PYGM: variants seen among roughly 807,000 people sequenced by gnomAD.
PYGM encodes glycogen phosphorylase, muscle associated.
Under a neutral mutation model 99.3 loss-of-function variants are expected in PYGM, and 81 were observed. The observed-to-expected ratio is 0.82, with a 90% CI of 0.68 to 0.98. The LOEUF is 0.98. Among genes scored for constraint, PYGM ranks in the 50% least tolerant of loss-of-function variants. PYGM has a pLI of 0.00. For missense variants in PYGM, 1,030 were observed against 1,158.1 expected (o/e 0.89, Z 1.61); for synonymous variants, 436 against 451.5 (o/e 0.97, Z 0.44).
Position 64,759,757 on chromosome 11 carries a change from T to C in PYGM, c.142A>G (p.Thr48Ala), listed in dbSNP as rs1565538897. The change falls in exon 1 of 20, where the codon ACC becomes GCC. Residue 48 changes from threonine to alanine, a missense_variant. Thr to Ala is a moderately conservative substitution (Grantham distance 58, BLOSUM62 0). Transcript: ENST00000164139. ...AGAGCAAAGTAGTAGTCTCGTGGGG[T>C]GGCCACATTGCGGTCCTTTACGAGT... ...FTLVKDRNVATPRDYYFALAH... is the reference protein window; with the variant it reads ...FTLVKDRNVAAPRDYYFALAH... 6.2e-7 allele frequency: 1 copy of C among 1,614,164 alleles called. No individual in the cohort carries two copies. Among genetic ancestry groups the C allele is most frequent in the East Asian group, 2.2e-5 (1 of 44,866 alleles).
intron 17 of PYGM, among the ~76,000 whole-genome samples, chr11:64,749,651 A>T (rs909128375): frequency 1.3e-5 from 2 of 151,862 alleles, no homozygotes; most frequent in Non-Finnish European, 2.9e-5. Context: ...CAAAAAAAAA[A>T]ATACATTAAA....
Position 64,757,802 on chromosome 11 carries a change from C to G in PYGM, c.637G>C (p.Gly213Arg). ...FYGHVEHTSQ[G>R]AKWVDTQVVL... ...ACCTGTGTGTCCACCCACTTGGCACCCTGGCTGGTGTGCTCCACATGGCCG... is the reference window on the plus strand; with the variant it reads ...ACCTGTGTGTCCACCCACTTGGCACGCTGGCTGGTGTGCTCCACATGGCCG... Residue 213 changes from glycine to arginine, a missense_variant, in exon 5 of 20, where the codon GGT becomes CGT. Transcript: ENST00000164139. 1.9e-6 allele frequency: 3 copies of G among 1,614,158 alleles called. No individual in the cohort carries two copies. The highest frequency in any genetic ancestry group is 2.5e-6 in the Non-Finnish European group (3 of 1,180,038).
chr11:64,757,836 C>A lies in PYGM; in HGVS notation c.603G>T (p.Val201=). The change falls in exon 5 of 20, where the codon GTG becomes GTT. Residue 201 remains valine, a synonymous_variant. Coordinates refer to ENST00000164139, the MANE Select transcript of PYGM (RefSeq NM_005609.4). Reference sequence around the variant, plus strand: ...TGTGCTCCACATGGCCGTAGAAGTGCACAGGTAGCGTGAACTCGGGCCGGG... The same window carrying A: ...TGTGCTCCACATGGCCGTAGAAGTGAACAGGTAGCGTGAACTCGGGCCGGG... The part of the protein sequence containing the change: ...EKARPEFTLP[V]HFYGHVEHTS... 2 of 1,614,168 alleles carry A rather than the reference C, an allele frequency of 1.2e-6. No homozygotes were observed. Among genetic ancestry groups the A allele is most frequent in the South Asian group, 2.2e-5 (2 of 91,088 alleles).
intron 17 of PYGM, chr11:64,747,768 G>A (rs2058325220): frequency 3.2e-6 from 1 of 314,134 alleles, no homozygotes; most frequent in East Asian, 8.2e-5. Context: ...GCCAGGCATG[G>A]TGGCTCACGC....
intron 5 of PYGM, among the ~76,000 whole-genome samples, chr11:64,756,718 G>T (rs1168925337): frequency 6.6e-6 from 1 of 152,206 alleles, no homozygotes; most frequent in African/African-American, 2.4e-5. Context: ...CTCCCAAAGT[G>T]CTGAGATTAC....
rs2058384738 is a variant in PYGM, at chr11:64,754,950, G to A, written c.856-114C>T. On this transcript the variant is annotated intron_variant, in intron 7 of 19. Coordinates refer to ENST00000164139, the MANE Select transcript of PYGM (RefSeq NM_005609.4). The surrounding 1 kb of genome is among the most constrained non-coding windows in gnomAD (Gnocchi z 5.5). ...TACCGGGACCCCTGAGCCCTGAGCC[G>A]GCCCCCTCTCTGGGACCCAGGGGCC... is the stretch of plus-strand genomic sequence containing the variant. 19 of 1,444,646 alleles carry A rather than the reference G, an allele frequency of 1.3e-5. 1 individual carries two copies. Among genetic ancestry groups the A allele is most frequent in the Middle Eastern group, 4.8e-4 (2 of 4,208 alleles). The allele number at this position is 1,444,646 out of a possible 1,614,324, so 89.5% of individuals were successfully genotyped here.
chr11:64,758,497 C>A lies in PYGM; in HGVS notation c.364G>T (p.Glu122Ter), dbSNP rs1319212857. 1 of 1,614,104 alleles carries A rather than the reference C, an allele frequency of 6.2e-7. No homozygotes were observed. Among genetic ancestry groups the A allele is most frequent in the Non-Finnish European group, 8.5e-7 (1 of 1,180,032 alleles). Residue 122 changes from glutamate (E) to a stop codon, truncating the protein, a stop_gained, in exon 3 of 20, where the codon GAG becomes TAG. Transcript: ENST00000164139. LOFTEE classifies it high-confidence loss of function. ...GCATCCTCCTCAATTTCCTCCAGCT[C>A]CTCCATGTCCAGGCCCAGCTGGAGG... is the stretch of plus-strand genomic sequence containing the variant. ...ATYQLGLDMEELEEIEEDAGL... is the reference protein window; with the variant it reads ...ATYQLGLDME
In PYGM at chr11:64,750,386, C is replaced by T; in HGVS notation, c.2167G>A (p.Asp723Asn). The T allele has an allele frequency of 1.9e-6, 3 of 1,614,048 alleles. No individual in the cohort carries two copies. Among genetic ancestry groups the T allele is most frequent in the Non-Finnish European group, 2.5e-6 (3 of 1,179,996 alleles). Residue 723 changes from aspartate to asparagine, a missense_variant, in exon 17 of 20, where the codon GAC (aspartate) becomes AAC (asparagine). By Grantham distance (23) the Asp-to-Asn change is conservative. Transcript: ENST00000164139. ...CCCTGACCCCCATACCCTCTTTGGT[C>T]AAGCTTATCCACATCCTCCACCCGC... ...GMRVEDVDKL[D>N]QRGYNAQEYY...
intron 5 of PYGM, 48 bp downstream of exon 5, chr11:64,757,731 C>T: frequency 6.2e-7 from 1 of 1,613,032 alleles, no homozygotes; most frequent in Non-Finnish European, 8.5e-7. Context: ...GCTTCCTTCT[C>T]TTCCCTCCCC....
Position 64,755,306 on chromosome 11 carries a change from C to G in PYGM, c.822G>C (p.Glu274Asp), listed in dbSNP as rs1436900766. Reference protein sequence around the residue: ...IQAVLDRNLAENISRVLYPND... With the variant: ...IQAVLDRNLADNISRVLYPND... ...TGGGGTACAGGACACGAGAGATGTT[C>G]TCCGCCAGGTTTCGGTCCAACACAG... The change falls in exon 7 of 20, where the codon GAG becomes GAC. Residue 274 changes from glutamate (E) to aspartate (D), a missense_variant. Transcript: ENST00000164139. The surrounding 1 kb of genome is among the most constrained non-coding windows in gnomAD (Gnocchi z 4.1). The G allele has an allele frequency of 6.2e-7, 1 of 1,614,028 alleles. No individual in the cohort carries two copies. Among genetic ancestry groups the G allele is most frequent in the East Asian group, 2.2e-5 (1 of 44,888 alleles).
At chr11:64,757,936 A>G in intron 4 of PYGM, 26 bp from the exon 5 acceptor site, 1 of 1,613,422 alleles carries the variant, frequency 6.2e-7, no homozygotes, top group Non-Finnish European at 8.5e-7. Flanking sequence ...GTCAGGGAGA[A>G]AGGCCAGCAG....
chr11:64,754,842 G>T lies in PYGM; in HGVS notation c.856-6C>A, dbSNP rs2058383849. On this transcript the variant is annotated splice_polypyrimidine_tract_variant and splice_region_variant and intron_variant, in intron 7 of 19. Coordinates refer to ENST00000164139, the MANE Select transcript of PYGM (RefSeq NM_005609.4). This position sits in a 1 kb window ranked among gnomAD's most constrained non-coding sequence, Gnocchi z 5.5. ...AGCTCCTTCCCTTCGAAGAACTGGG[G>T]ACAGCATGAGGCAGCGTGAGTCAGG... 5.6e-6 allele frequency: 9 copies of T among 1,613,484 alleles called. No individual in the cohort carries two copies. The highest frequency in any genetic ancestry group is 5.1e-6 in the Non-Finnish European group (6 of 1,179,978).
chr11:64,753,656 G>A lies in PYGM; in HGVS notation c.1266C>T (p.Asp422=), dbSNP rs769602726. 37 of 1,608,548 alleles carry A rather than the reference G, an allele frequency of 2.3e-5. No homozygotes were observed. Among genetic ancestry groups the A allele is most frequent in the South Asian group, 2.2e-5 (2 of 90,664 alleles). The part of the protein sequence containing the change: ...LNRVAAAFPG[D]VDRLRRMSLV... ...GCGACATGCGCCGCAGCCGGTCTAC[G>A]TCCCCTGGGAATGCGGCCGCCACCC... The change falls in exon 11 of 20, where the codon GAC becomes GAT. Residue 422 remains aspartate, a synonymous_variant. Transcript: ENST00000164139.
Position 64,755,433 on chromosome 11 carries a change from G to A in PYGM, c.772+14C>T. 1 of 1,613,448 alleles carries A rather than the reference G, an allele frequency of 6.2e-7. No individual in the cohort carries two copies. Among genetic ancestry groups the A allele is most frequent in the Non-Finnish European group, 8.5e-7 (1 of 1,179,362 alleles). ...GGCAAGCTGGGGTTGCTGGCTACCA[G>A]TGGATGAACTCACAGTCCTTGAGGT... On this transcript the variant is annotated intron_variant, in intron 6 of 19. Transcript: ENST00000164139. The surrounding 1 kb of genome is among the most constrained non-coding windows in gnomAD (Gnocchi z 4.1).
At position 64,746,703 on chromosome 11, in the gene PYGM, C is replaced by G; in HGVS notation, c.2485G>C (p.Glu829Gln). ...GCTGGCAGGCGCTGGCGGGAAGGCT[C>G]CACACCCCAGATCTCCCGGGCATAC... ...AQYAREIWGV[E>Q]PSRQRLPAPD... The change falls in exon 20 of 20, where the codon GAG becomes CAG. Residue 829 changes from glutamate (E) to glutamine (Q), a missense_variant. Transcript: ENST00000164139. 2 of 1,614,168 alleles carry G rather than the reference C, an allele frequency of 1.2e-6. No individual in the cohort carries two copies. The highest frequency in any genetic ancestry group is 2.2e-5 in the South Asian group (2 of 91,088).
Position 64,750,585 on chromosome 11 carries a change from T to G in PYGM, c.1970-2A>C. ...CAGAGAGGTCTGCAGCTGGGATCAC[T>G]GTGGGGTGGCAGCAGGGGGACAAGT... On this transcript the variant is annotated splice_acceptor_variant, in intron 16 of 19. Transcript: ENST00000164139. LOFTEE classifies it high-confidence loss of function. 6.2e-7 allele frequency: 1 copy of G among 1,613,870 alleles called. No individual in the cohort carries two copies. Among genetic ancestry groups the G allele is most frequent in the Non-Finnish European group, 8.5e-7 (1 of 1,179,908 alleles).
Position 64,754,880 on chromosome 11 carries a change from T to C in PYGM, c.856-44A>G, listed in dbSNP as rs1223368752. 1.2e-6 allele frequency: 2 copies of C among 1,609,930 alleles called. No individual in the cohort carries two copies. The highest frequency in any genetic ancestry group is 1.3e-5 in the African/African-American group (1 of 74,818). ...AGCGTGAGTCAGGGCGGTGGGGGCA[T>C]GGCCTAAAGCTGCGGTGGGTGTGGC... On this transcript the variant is annotated intron_variant, in intron 7 of 19. Transcript: ENST00000164139. This position sits in a 1 kb window ranked among gnomAD's most constrained non-coding sequence, Gnocchi z 5.5.
rs993239934 is a variant in PYGM at position 64,755,441 on chromosome 11, A to T, written c.772+6T>A. The T allele has an allele frequency of 5.6e-6, 9 of 1,613,744 alleles. No homozygotes were observed. In the South Asian group the frequency reaches 8.8e-5, roughly 16 times the overall value. ...GGGGTTGCTGGCTACCAGTGGATGA[A>T]CTCACAGTCCTTGAGGTTGAAGTCA... is the stretch of plus-strand genomic sequence containing the variant. On this transcript the variant is annotated splice_donor_region_variant and intron_variant, in intron 6 of 19. Coordinates refer to ENST00000164139, the MANE Select transcript of PYGM (RefSeq NM_005609.4). This position sits in a 1 kb window ranked among gnomAD's most constrained non-coding sequence, Gnocchi z 4.1.
chr11:64,752,032 A>G lies in PYGM; in HGVS notation c.1660T>C (p.Tyr554His), dbSNP rs1276992097. 2 of 1,613,868 alleles carry G rather than the reference A, an allele frequency of 1.2e-6. No homozygotes were observed. Among genetic ancestry groups the G allele is most frequent in the Non-Finnish European group, 1.7e-6 (2 of 1,179,916 alleles). Reference sequence around the variant, plus strand: ...GAGTTGGGGTTGATGTGGACTTTGTATTCCCTCTCTAGGTAGGCAGCAAAC... The same window carrying G: ...GAGTTGGGGTTGATGTGGACTTTGTGTTCCCTCTCTAGGTAGGCAGCAAAC... ...LKFAAYLERE[Y>H]KVHINPNSLF... Residue 554 changes from tyrosine (Y) to histidine (H), a missense_variant, in exon 14 of 20, where the codon TAC (tyrosine) becomes CAC (histidine). Tyr to His is a moderately conservative substitution (Grantham distance 83, BLOSUM62 2). Coordinates refer to ENST00000164139, the MANE Select transcript of PYGM (RefSeq NM_005609.4).
Sources: allele counts gnomAD v4.1 joint callset (sites outside exome capture counted in the v4.1 genomes callset), GRCh38; gene constraint gnomAD v4.1.1; non-coding constraint Gnocchi (gnomAD v3.1); transcripts MANE v1.5; gene names NCBI Gene and HGNC (gene_info 2026-07-23, HGNC 2026-07-21).